Variants in TMTC1 observed in about 807,000 individuals in gnomAD.
TMTC1 encodes transmembrane O-mannosyltransferase targeting cadherins 1, also known as protein O-mannosyl-transferase TMTC1.
TMTC1 carries 73 observed loss-of-function variants against 104.8 expected under a neutral mutation model. That is an observed-to-expected ratio of 0.70 (90% confidence interval 0.58 to 0.85). The LOEUF is 0.85. Among genes scored for constraint, TMTC1 ranks in the 40% least tolerant of loss-of-function variants. TMTC1 has a pLI of 0.00. For synonymous variants in TMTC1, 434 were observed against 428.7 expected, an observed-to-expected ratio of 1.01 and a Z score of -0.15; for missense variants, 1,035 against 1,096.1, an observed-to-expected ratio of 0.94 and a Z score of 0.79.
intron 6 of TMTC1, among the ~76,000 whole-genome samples, chr12:29,611,297 C>T (rs1476936376): frequency 6.6e-6 from 1 of 152,012 alleles, no homozygotes; most frequent in Non-Finnish European, 1.5e-5. Context: ...CAGCAATTAC[C>T]TTTCAGAATT....
At chr12:29,664,067 G>A (rs1940164812) in intron 5 of TMTC1, among the ~76,000 whole-genome samples, 2 of 150,108 alleles carry the variant, frequency 1.3e-5, no homozygotes, top group South Asian at 4.2e-4. Context: ...GGCGCCTGTA[G>A]TCCCAGCTAC....
chr12:29,636,275 A>C (rs1330859307), intron 5 of TMTC1, among the ~76,000 whole-genome samples: 1 of 152,166 alleles, frequency 6.6e-6, no homozygotes, highest in African/African-American at 2.4e-5. Flanking sequence ...CTACTTTTTA[A>C]CTAGGGAAAA....
intron 7 of TMTC1, among the ~76,000 whole-genome samples, chr12:29,602,937 A>G (rs1394474470): frequency 6.6e-6 from 1 of 152,222 alleles, no homozygotes; most frequent in Non-Finnish European, 1.5e-5. Flanking sequence ...AAGCTAAGAT[A>G]TATTCAACTG....
chr12:29,623,977 T>C (rs1937830740), intron 6 of TMTC1, among the ~76,000 whole-genome samples: 1 of 152,024 alleles, frequency 6.6e-6, no homozygotes, highest in African/African-American at 2.4e-5. Flanking sequence ...CTGGATTCTC[T>C]GTCTTGTTTT....
chr12:29,543,014 C>T (rs1382624530), intron 10 of TMTC1, among the ~76,000 whole-genome samples: 7 of 152,226 alleles, frequency 4.6e-5, no homozygotes, highest in Non-Finnish European at 7.4e-5. Flanking sequence ...ATGTTTCCCC[C>T]GGGAGCTTCC....
chr12:29,706,859 G>T (rs1027254473), intron 5 of TMTC1, among the ~76,000 whole-genome samples: 1 of 152,088 alleles, frequency 6.6e-6, no homozygotes, highest in Non-Finnish European at 1.5e-5. Flanking sequence ...TGGGGGCAGC[G>T]GTGGGTAAAG....
chr12:29,543,739 T>G (rs561206156), intron 10 of TMTC1, among the ~76,000 whole-genome samples: 11 of 152,338 alleles, frequency 7.2e-5, no homozygotes, highest in South Asian at 4.1e-4. Flanking sequence ...AGCTCTACTA[T>G]CTTTCCTGTA....
intron 2 of TMTC1, 57 bp downstream of exon 2, chr12:29,767,841 C>G: frequency 6.7e-7 from 1 of 1,496,160 alleles, no homozygotes; most frequent in Non-Finnish European, 9.2e-7. Flanking sequence ...TACACGTATA[C>G]ACGTATACAT....
chr12:29,545,302 C>A (rs1944908821), intron 10 of TMTC1, among the ~76,000 whole-genome samples: 3 of 152,152 alleles, frequency 2.0e-5, no homozygotes. Context: ...CAGATTCTTG[C>A]AGCTGGATAA....
chr12:29,716,377 A>T (rs1301403159), intron 5 of TMTC1, among the ~76,000 whole-genome samples: 1 of 152,178 alleles, frequency 6.6e-6, no homozygotes, highest in Non-Finnish European at 1.5e-5. Flanking sequence ...AGTCTAGAGC[A>T]ACTAGAGTTA....
chr12:29,633,380 T>C, intron 5 of TMTC1, 44 bp from the exon 6 acceptor site: 1 of 1,489,994 alleles, frequency 6.7e-7, no homozygotes, highest in Non-Finnish European at 9.1e-7. Flanking sequence ...TCAAGAACCA[T>C]GACATTCTGT....
At chr12:29,722,854 G>A (rs1258389703) in intron 5 of TMTC1, among the ~76,000 whole-genome samples, 2 of 150,200 alleles carry the variant, frequency 1.3e-5, no homozygotes, top group Non-Finnish European at 3.0e-5. Context: ...CCGGGAGGCA[G>A]AGGTTGCAGT....
At position 29,562,369 on chromosome 12, in the gene TMTC1, G is replaced by T. The variant is rs1337129487; in HGVS notation, c.1533-5369C>A. Among the ~76,000 whole-genome samples, 11 of 152,290 alleles carry T rather than the reference G, an allele frequency of 7.2e-5. No individual in the cohort carries two copies. In the South Asian group the frequency reaches 1.0e-3, roughly 14 times the overall value. On this transcript the variant is annotated intron_variant, in intron 9 of 17. Transcript: ENST00000539277. ...CAGTGATGCAGAAGGGCTCCTCCCA[G>T]TCAATTTTCCAAGACTATGCAGAGT...
intron 5 of TMTC1, among the ~76,000 whole-genome samples, chr12:29,729,435 C>T (rs948132137): frequency 3.3e-5 from 5 of 151,986 alleles, no homozygotes; most frequent in South Asian, 2.1e-4. Context: ...GTTTCATGCA[C>T]GAGGGGGAAC....
At chr12:29,614,856 G>C (rs1946937005) in intron 6 of TMTC1, among the ~76,000 whole-genome samples, 1 of 152,198 alleles carries the variant, frequency 6.6e-6, no homozygotes, top group African/African-American at 2.4e-5. Flanking sequence ...GAACAAACTT[G>C]TTTCTTCAAC....
chr12:29,775,298 TAAC>T (rs1943682721), intron 1 of TMTC1, among the ~76,000 whole-genome samples: 2 of 152,066 alleles, frequency 1.3e-5, no homozygotes, highest in African/African-American at 2.4e-5. Context: ...TTCCCAGAAT[TAAC>T]AAAAACTCCC....
chr12:29,663,991 T>C (rs1940158477), intron 5 of TMTC1, among the ~76,000 whole-genome samples: 1 of 151,652 alleles, frequency 6.6e-6, no homozygotes. Context: ...ATCGAGACCA[T>C]CCCGGCTAAA....
intron 5 of TMTC1, among the ~76,000 whole-genome samples, chr12:29,690,499 C>A (rs897941433): frequency 6.6e-6 from 1 of 152,006 alleles, no homozygotes; most frequent in Non-Finnish European, 1.5e-5. Context: ...AATGGAAATT[C>A]CAAAATAAGA....
chr12:29,658,244 C>A (rs1373908514), intron 5 of TMTC1: 1 of 152,052 alleles, frequency 6.6e-6, no homozygotes, highest in African/African-American at 2.4e-5. Flanking sequence ...GTGAAGGTTG[C>A]TATCATTAAA....
Sources: gnomAD v4.1 joint callset for allele counts (sites outside exome capture counted in the v4.1 genomes callset) on GRCh38, gnomAD v4.1.1 for gene constraint, MANE v1.5 for transcripts, NCBI Gene and HGNC (gene_info 2026-07-23, HGNC 2026-07-21) for gene names.